Variants in C3orf49 observed in about 807,000 individuals in gnomAD.
C3orf49 encodes the protein chromosome 3 open reading frame 49, also known as putative uncharacterized protein C3orf49.
In C3orf49, 27 loss-of-function variants were observed where a neutral mutation model predicts 13.3. The observed-to-expected ratio is 2.02, with a 90% CI of 1.49 to 2.79. The LOEUF (loss-of-function observed/expected upper bound fraction) is 2.79. Ranked by LOEUF, C3orf49 falls within the 30% of genes most tolerant of loss-of-function variation. C3orf49 has a pLI of 0.00. For synonymous variants in C3orf49, 87 were observed against 47.6 expected (o/e 1.83, Z -3.40); for missense variants, 242 against 134.2 (o/e 1.80, Z -3.97).
chr3:63,835,302 G>A lies in C3orf49; in HGVS notation c.849+3458G>A, dbSNP rs574808987. ...GACAGACAGATAGACAGATCATGAA[G>A]GCTAAATATATATGCGAATACCTTA... is the stretch of plus-strand genomic sequence containing the variant. On this transcript the variant is annotated intron_variant, in intron 5 of 6. Transcript: ENST00000295896. The A allele has an allele frequency of 4.4e-4, 705 of 1,613,246 alleles. 7 individuals are homozygous for A. In the South Asian group the frequency reaches 7.2e-3, roughly 17 times the overall value.
At chr3:63,783,729 AAATTAATTAATTCATT>A in the C3orf49 span, among the ~76,000 whole-genome samples, 4 of 148,590 alleles carry the variant, frequency 2.7e-5, no homozygotes, top group East Asian at 1.9e-4. Flanking sequence ...AAAAAAAATT[AAATTAATTAATTCATT>A]AATTAATTAA....
intron 2 of C3orf49, among the ~76,000 whole-genome samples, chr3:63,826,637 G>C (rs2107101616): frequency 6.6e-6 from 1 of 152,270 alleles, no homozygotes; most frequent in African/African-American, 2.4e-5. Flanking sequence ...TGAGGTCTGA[G>C]GCTCCCAGAG....
chr3:63,784,112 A>C, the C3orf49 span, among the ~76,000 whole-genome samples: 1 of 152,256 alleles, frequency 6.6e-6, no homozygotes, highest in African/African-American at 2.4e-5. Flanking sequence ...ATGAGGTCCC[A>C]TTGCAAAGCT....
upstream of C3orf49, among the ~76,000 whole-genome samples, chr3:63,817,558 G>A (rs185708734): frequency 1.2e-4 from 19 of 152,130 alleles, 1 homozygote; most frequent in Admixed American, 9.2e-4. Flanking sequence ...GTCCAAAGAG[G>A]TTTTCGTTAC....
At chr3:63,781,563 T>A in the C3orf49 span, among the ~76,000 whole-genome samples, 1 of 152,202 alleles carries the variant, frequency 6.6e-6, no homozygotes, top group African/African-American at 2.4e-5. Context: ...TGGCATTGAA[T>A]CTATAAATTA....
At chr3:63,790,885 G>T in the C3orf49 span, among the ~76,000 whole-genome samples, 1 of 152,154 alleles carries the variant, frequency 6.6e-6, no homozygotes, top group Non-Finnish European at 1.5e-5. Flanking sequence ...GAGATGGCAA[G>T]GAAGCCAAAC....
chr3:63,798,894 T>TA, the C3orf49 span, among the ~76,000 whole-genome samples: 4 of 152,158 alleles, frequency 2.6e-5, no homozygotes, highest in South Asian at 8.3e-4. Flanking sequence ...ATTTAATCTC[T>TA]ATGAGCAAGC....
At chr3:63,831,891 T>C (rs1470839543) in intron 5 of C3orf49, 47 bp downstream of exon 5, 1 of 681,476 alleles carries the variant, frequency 1.5e-6, no homozygotes, top group East Asian at 2.7e-5. Context: ...TGTTCCTGAT[T>C]CTTTAAAAGT....
the C3orf49 span, among the ~76,000 whole-genome samples, chr3:63,798,917 T>C: frequency 2.0e-5 from 3 of 152,126 alleles, no homozygotes; most frequent in Admixed American, 2.0e-4. Context: ...TTAGAAGTCC[T>C]TTATTTGAAA....
the C3orf49 span, among the ~76,000 whole-genome samples, chr3:63,800,722 T>C: frequency 6.6e-6 from 1 of 152,172 alleles, no homozygotes; most frequent in Non-Finnish European, 1.5e-5. Context: ...TTAAAATTTG[T>C]CTTGTCCTTA....
At chr3:63,796,688 C>A in the C3orf49 span, among the ~76,000 whole-genome samples, 10 of 152,128 alleles carry the variant, frequency 6.6e-5, no homozygotes, top group South Asian at 4.1e-4. Flanking sequence ...TCCAGTTTCT[C>A]CTCTTGTCAC....
At chr3:63,811,667 C>T in the C3orf49 span, among the ~76,000 whole-genome samples, 4,941 of 151,696 alleles carry the variant, frequency 0.033, 134 homozygotes, top group South Asian at 0.079. Flanking sequence ...AGATCACCTG[C>T]GCCTCAGTTC....
At chr3:63,805,416 G>A in the C3orf49 span, among the ~76,000 whole-genome samples, 1 of 152,134 alleles carries the variant, frequency 6.6e-6, no homozygotes, top group African/African-American at 2.4e-5. Context: ...TGGCTTGGTA[G>A]GGTCATCAGG....
chr3:63,791,311 T>G, the C3orf49 span, among the ~76,000 whole-genome samples: 1 of 152,198 alleles, frequency 6.6e-6, no homozygotes, highest in Non-Finnish European at 1.5e-5. Context: ...GTTACCATAT[T>G]AGGAAATCAA....
intron 1 of C3orf49, among the ~76,000 whole-genome samples, chr3:63,822,144 G>A (rs898618164): frequency 6.6e-6 from 1 of 151,912 alleles, no homozygotes; most frequent in Non-Finnish European, 1.5e-5. Context: ...CCTAACTAAT[G>A]TTTTGTGTTT....
At chr3:63,792,505 C>T in the C3orf49 span, among the ~76,000 whole-genome samples, 1 of 152,102 alleles carries the variant, frequency 6.6e-6, no homozygotes, top group African/African-American at 2.4e-5. Context: ...CAAACCTTTT[C>T]CCCCCTTTCT....
At chr3:63,847,203 G>T (rs1325916354) in intron 6 of C3orf49, among the ~76,000 whole-genome samples, 1 of 152,094 alleles carries the variant, frequency 6.6e-6, no homozygotes, top group Non-Finnish European at 1.5e-5. Flanking sequence ...GATAAAAAAA[G>T]TTCCTATAAA....
At chr3:63,807,519 G>A in the C3orf49 span, among the ~76,000 whole-genome samples, 2 of 152,066 alleles carry the variant, frequency 1.3e-5, no homozygotes, top group Middle Eastern at 3.2e-3. Context: ...TGACTGAGAT[G>A]CTTTCATGAT....
At chr3:63,800,797 G>A in the C3orf49 span, among the ~76,000 whole-genome samples, 2 of 152,040 alleles carry the variant, frequency 1.3e-5, no homozygotes, top group African/African-American at 4.8e-5. Context: ...TTTGCCAGTG[G>A]AATCCCTTTT....
Sources: allele counts gnomAD v4.1 joint callset (sites outside exome capture counted in the v4.1 genomes callset), GRCh38; gene constraint gnomAD v4.1.1; transcripts MANE v1.5; gene names NCBI Gene and HGNC (gene_info 2026-07-23, HGNC 2026-07-21).